The following LINC00305 variants were observed in gnomAD, a reference collection of about 807,000 sequenced individuals.
LINC00305 encodes the protein long intergenic non-protein coding RNA 305.
At position 64,104,802 on chromosome 18, in the gene LINC00305, A is replaced by G. The variant is rs2051282719; in HGVS notation, n.315-6162T>C. On this transcript the variant is annotated intron_variant and non_coding_transcript_variant, in intron 1 of 3. Coordinates refer to ENST00000666468, the Ensembl canonical transcript of LINC00305. ...TGAGGCTGCCCAGGGACCGGTCTGGACACTCACCTTATGTCCGTTTCTCCT... is the reference window on the plus strand; with the variant it reads ...TGAGGCTGCCCAGGGACCGGTCTGGGCACTCACCTTATGTCCGTTTCTCCT... 1.3e-5 allele frequency among the ~76,000 whole-genome samples: 2 copies of G among 152,036 alleles called. 1 individual carries two copies. The highest frequency in any genetic ancestry group is 2.9e-5 in the Non-Finnish European group (2 of 68,028).
At chr18:64,122,120 C>T (rs1194836892) in intron 1 of LINC00305, among the ~76,000 whole-genome samples, 1 of 152,092 alleles carries the variant, frequency 6.6e-6, no homozygotes, top group African/African-American at 2.4e-5. Flanking sequence ...CAAATATTTT[C>T]TCCCATTCTG....
At chr18:64,117,371 G>C (rs1314327624) in intron 1 of LINC00305, among the ~76,000 whole-genome samples, 1 of 152,184 alleles carries the variant, frequency 6.6e-6, no homozygotes, top group South Asian at 2.1e-4. Flanking sequence ...CTGCTTTGCA[G>C]ATAAGATAGG....
intron 1 of LINC00305, among the ~76,000 whole-genome samples, chr18:64,147,601 C>T (rs1321771238): frequency 6.6e-6 from 1 of 152,074 alleles, no homozygotes; most frequent in Non-Finnish European, 1.5e-5. Context: ...GCTTTGTCCA[C>T]CAAGGATGGA....
intron 3 of LINC00305, among the ~76,000 whole-genome samples, chr18:64,081,881 G>T (rs902057832): frequency 2.6e-5 from 4 of 152,100 alleles, no homozygotes; most frequent in African/African-American, 9.7e-5. Flanking sequence ...CTGTTCTCTG[G>T]GCAAGTTGGG....
chr18:64,106,007 T>C (rs1227155767), intron 1 of LINC00305, among the ~76,000 whole-genome samples: 1 of 152,246 alleles, frequency 6.6e-6, no homozygotes, highest in Non-Finnish European at 1.5e-5. Context: ...GCATGTAACA[T>C]TGTTTCCAAT....
In LINC00305 at chr18:64,130,634, A is replaced by G. The variant is rs528014028; in HGVS notation, n.314+18141T>C. ...TGAAATAAAAGTTTGAAAAAGGTCT[A>G]TGGAAACAGAGAGGAGGGATTCATC... is the stretch of plus-strand genomic sequence containing the variant. On this transcript the variant is annotated intron_variant and non_coding_transcript_variant, in intron 1 of 3. Coordinates refer to ENST00000666468, the Ensembl canonical transcript of LINC00305. 6.6e-5 allele frequency among the ~76,000 whole-genome samples: 10 copies of G among 152,310 alleles called. 1 individual carries two copies. Among genetic ancestry groups the G allele is most frequent in the Middle Eastern group, 6.8e-3 (2 of 294 alleles).
chr18:64,137,599 C>A (rs1362462567), intron 1 of LINC00305, among the ~76,000 whole-genome samples: 1 of 152,198 alleles, frequency 6.6e-6, no homozygotes, highest in Non-Finnish European at 1.5e-5. Flanking sequence ...TTAAACAACT[C>A]AAATCCATAA....
intron 1 of LINC00305, among the ~76,000 whole-genome samples, chr18:64,142,892 T>C (rs190817453): frequency 4.8e-4 from 73 of 152,258 alleles, no homozygotes; most frequent in Admixed American, 1.3e-3. Flanking sequence ...AAACAATGGG[T>C]TATATGAACA....
chr18:64,105,611 G>A (rs1210359865), intron 1 of LINC00305, among the ~76,000 whole-genome samples: 2 of 152,154 alleles, frequency 1.3e-5, no homozygotes, highest in Non-Finnish European at 2.9e-5. Flanking sequence ...TAGAGTACAT[G>A]TGTTCAAAGA....
intron 3 of LINC00305, among the ~76,000 whole-genome samples, chr18:64,089,280 CTCTG>C (rs1034701938): frequency 6.6e-6 from 1 of 152,194 alleles, no homozygotes; most frequent in Non-Finnish European, 1.5e-5. Context: ...GCTCACTCCT[CTCTG>C]TCTGCTGCCA....
At chr18:64,143,753 GTATGTACACATATTATGCGTACAT>G (rs2051481932) in intron 1 of LINC00305, among the ~76,000 whole-genome samples, 1 of 70,234 alleles carries the variant, frequency 1.4e-5, no homozygotes, top group African/African-American at 5.5e-5. Flanking sequence ...ATGCGTACAT[GTATGTACACATATTATGCGTACAT>G]GTATGTACAC....
chr18:64,110,593 A>G (rs1317637005), intron 1 of LINC00305, among the ~76,000 whole-genome samples: 1 of 152,204 alleles, frequency 6.6e-6, no homozygotes, highest in Non-Finnish European at 1.5e-5. Flanking sequence ...ACCTACAAAG[A>G]TACTGGCACA....
chr18:64,088,347 T>C (rs1599205001), intron 3 of LINC00305, among the ~76,000 whole-genome samples: 1 of 152,246 alleles, frequency 6.6e-6, no homozygotes, highest in Non-Finnish European at 1.5e-5. Context: ...TCCTGAAATA[T>C]GGAAGTACAG....
chr18:64,087,152 C>T (rs2051206526), intron 3 of LINC00305, among the ~76,000 whole-genome samples: 1 of 152,260 alleles, frequency 6.6e-6, no homozygotes, highest in Non-Finnish European at 1.5e-5. Flanking sequence ...GGCAAATACA[C>T]TTGGGTTTTA....
intron 1 of LINC00305, among the ~76,000 whole-genome samples, chr18:64,139,973 T>C (rs917450109): frequency 2.6e-5 from 4 of 152,146 alleles, no homozygotes; most frequent in African/African-American, 9.7e-5. Flanking sequence ...TCTTTCATGC[T>C]GTTCCAGTGA....
chr18:64,116,698 C>T (rs529588817), intron 1 of LINC00305, among the ~76,000 whole-genome samples: 1 of 152,276 alleles, frequency 6.6e-6, no homozygotes, highest in East Asian at 1.9e-4. Flanking sequence ...AGCTAATTAA[C>T]ATTGCCTTCA....
intron 1 of LINC00305, among the ~76,000 whole-genome samples, chr18:64,134,602 T>C (rs1381142747): frequency 6.6e-6 from 1 of 152,202 alleles, no homozygotes; most frequent in Admixed American, 6.5e-5. Context: ...TGGTTTTAAA[T>C]GAGAATGTTT....
intron 1 of LINC00305, among the ~76,000 whole-genome samples, chr18:64,101,778 C>T (rs997918348): frequency 6.6e-6 from 1 of 152,148 alleles, no homozygotes; most frequent in Admixed American, 6.5e-5. Flanking sequence ...AGCAGCCTCA[C>T]AGAAAAGCAA....
At chr18:64,125,760 C>T (rs192484002) in intron 1 of LINC00305, among the ~76,000 whole-genome samples, 9 of 152,150 alleles carry the variant, frequency 5.9e-5, no homozygotes, top group East Asian at 3.9e-4. Context: ...GAAAACTTAA[C>T]GCCCAATGCA....
Sources: allele counts gnomAD v4.1 joint callset (sites outside exome capture counted in the v4.1 genomes callset), GRCh38; gene constraint gnomAD v4.1.1; transcripts MANE v1.5; gene names NCBI Gene and HGNC (gene_info 2026-07-23, HGNC 2026-07-21).